The following FNBP1 variants were observed in gnomAD, a reference collection of about 807,000 sequenced individuals.
FNBP1 encodes formin-binding protein 1.
In FNBP1, 26 loss-of-function variants were observed where a neutral mutation model predicts 90.6. That is an observed-to-expected ratio of 0.29 (90% CI 0.21 to 0.40). The LOEUF (loss-of-function observed/expected upper bound fraction) is 0.40. Among genes scored for constraint, FNBP1 ranks in the 10% least tolerant of loss-of-function variants. The pLI is 1.00. For synonymous variants in FNBP1, 260 were observed against 265.2 expected (o/e 0.98, Z 0.19); for missense variants, 635 against 768.0 (o/e 0.83, Z 2.05).
chr9:129,990,814 A>G (rs200333535), intron 2 of FNBP1, among the ~76,000 whole-genome samples: 7 of 152,132 alleles, frequency 4.6e-5, no homozygotes, highest in African/African-American at 1.4e-4. Context: ...AGTGGAGGTG[A>G]TAACAAGTGT....
intron 6 of FNBP1, among the ~76,000 whole-genome samples, chr9:129,941,187 A>C (rs2044271182): frequency 6.6e-6 from 1 of 151,700 alleles, no homozygotes; most frequent in South Asian, 2.1e-4. Context: ...TCAGGAGTTC[A>C]AGACCAGTCT....
intron 6 of FNBP1, among the ~76,000 whole-genome samples, chr9:129,939,631 C>T (rs901616908): frequency 4.6e-5 from 7 of 151,970 alleles, no homozygotes; most frequent in East Asian, 3.9e-4. Flanking sequence ...TCAGCCTGTG[C>T]TAGTACAGAT....
chr9:129,941,715 T>A (rs917096616), intron 6 of FNBP1, among the ~76,000 whole-genome samples: 1 of 152,160 alleles, frequency 6.6e-6, no homozygotes, highest in East Asian at 1.9e-4. Flanking sequence ...TCCTTCCACC[T>A]TGGCCTCCCA....
intron 16 of FNBP1, among the ~76,000 whole-genome samples, chr9:129,891,154 T>A (rs7868370): frequency 0.53 from 76,894 of 145,060 alleles, 21,268 homozygotes; most frequent in East Asian, 0.8. Flanking sequence ...GACTCCGTCT[T>A]AAAAAAAAAA....
At chr9:129,906,122 A>G (rs2038011910) in intron 12 of FNBP1, among the ~76,000 whole-genome samples, 2 of 151,996 alleles carry the variant, frequency 1.3e-5, no homozygotes, top group Admixed American at 6.6e-5. Flanking sequence ...ACCTCAGGTG[A>G]TCTGCCTGCC....
chr9:130,023,557 T>G (rs1368541582), intron 1 of FNBP1, among the ~76,000 whole-genome samples: 2 of 152,180 alleles, frequency 1.3e-5, no homozygotes, highest in Non-Finnish European at 2.9e-5. Flanking sequence ...GAAGGCAGCC[T>G]GGCCGGAGGA....
Position 129,962,010 on chromosome 9 carries a change from A to C in FNBP1, c.346-3457T>G, listed in dbSNP as rs192514422. On this transcript the variant is annotated intron_variant, in intron 4 of 16. Coordinates refer to ENST00000446176, the MANE Select transcript of FNBP1 (RefSeq NM_015033.3). ...AGACTGACATGCAGGGATCTCATGA[A>C]CCCTTGCCCTCTGGTTCTGATGAGA... is the stretch of plus-strand genomic sequence containing the variant. Among the ~76,000 whole-genome samples the C allele has an allele frequency of 1.3e-4, 20 of 151,682 alleles. 1 individual carries two copies. The East Asian group carries it at 3.3e-3, about 25-fold the overall frequency.
intron 4 of FNBP1, among the ~76,000 whole-genome samples, chr9:129,965,694 A>ACGCG (rs765582659): frequency 9.2e-5 from 11 of 119,354 alleles, no homozygotes; most frequent in Non-Finnish European, 1.5e-4. Flanking sequence ...ACACACACAC[A>ACGCG]CACGCGCGCG....
At chr9:130,003,806 C>T (rs945123824) in intron 1 of FNBP1, among the ~76,000 whole-genome samples, 4 of 150,820 alleles carry the variant, frequency 2.7e-5, no homozygotes, top group Non-Finnish European at 5.9e-5. Context: ...GCCTGTAGTC[C>T]CCAGCTACTC....
chr9:130,000,314 A>G (rs141932637), intron 1 of FNBP1, among the ~76,000 whole-genome samples: 3,638 of 152,192 alleles, frequency 0.024, 152 homozygotes, highest in African/African-American at 0.082. Flanking sequence ...AACATGGTGA[A>G]ACCCCGTCTT....
intron 6 of FNBP1, chr9:129,936,655 T>G (rs2043508172): frequency 1.3e-5 from 2 of 152,196 alleles, no homozygotes; most frequent in Non-Finnish European, 2.9e-5. Flanking sequence ...TAAAAGTTTC[T>G]GCACATTCCA....
intron 1 of FNBP1, among the ~76,000 whole-genome samples, chr9:130,008,778 C>T (rs1031768613): frequency 2.6e-5 from 4 of 152,170 alleles, no homozygotes; most frequent in Non-Finnish European, 5.9e-5. Context: ...GCTTCCCCGC[C>T]TCTAGCTGTC....
chr9:129,937,838 AATATGCTTT>A (rs1269487389), intron 6 of FNBP1, among the ~76,000 whole-genome samples: 1 of 152,098 alleles, frequency 6.6e-6, no homozygotes, highest in Non-Finnish European at 1.5e-5. Context: ...TAACCAAAGA[AATATGCTTT>A]ATATAACCTA....
At chr9:129,921,345 G>A (rs1427461781) in intron 10 of FNBP1, among the ~76,000 whole-genome samples, 10 of 150,130 alleles carry the variant, frequency 6.7e-5, no homozygotes, top group Admixed American at 3.3e-4. Flanking sequence ...CCCAGCCTCC[G>A]CTAGGACTAC....
intron 6 of FNBP1, among the ~76,000 whole-genome samples, chr9:129,930,633 T>G (rs962117896): frequency 1.3e-5 from 2 of 152,160 alleles, no homozygotes; most frequent in African/African-American, 4.8e-5. Flanking sequence ...ATTGATCACA[T>G]ACCTAAAAAA....
At position 129,978,532 on chromosome 9, in the gene FNBP1, T is replaced by C; in HGVS notation, c.278A>G (p.Asn93Ser). The change falls in exon 4 of 17, where the codon AAC becomes AGC. Residue 93 changes from asparagine (N) to serine (S), a missense_variant. Asn to Ser is a conservative substitution (Grantham distance 46). Coordinates refer to ENST00000446176, the MANE Select transcript of FNBP1 (RefSeq NM_015033.3). ...GTCCACAATGATCTGTGATGCCATG[T>C]TCTCGGAGATAACTTCATGCTGCCC... Reference protein sequence around the residue: ...YAGQHEVISENMASQIIVDLA... With the variant: ...YAGQHEVISESMASQIIVDLA... 1 of 1,613,880 alleles carries C rather than the reference T, an allele frequency of 6.2e-7. No individual in the cohort carries two copies. The highest frequency in any genetic ancestry group is 8.5e-7 in the Non-Finnish European group (1 of 1,179,764).
chr9:130,001,586 A>C (rs935650819), intron 1 of FNBP1, among the ~76,000 whole-genome samples: 1 of 152,130 alleles, frequency 6.6e-6, no homozygotes, highest in African/African-American at 2.4e-5. Context: ...ATATATGCTA[A>C]AATTTCTATT....
chr9:129,974,120 C>G (rs112061769), intron 4 of FNBP1, among the ~76,000 whole-genome samples: 4 of 152,196 alleles, frequency 2.6e-5, no homozygotes, highest in Non-Finnish European at 4.4e-5. Flanking sequence ...CCGCGCCCAG[C>G]CAAACAGCTC....
At chr9:130,010,408 C>CA (rs1331408592) in intron 1 of FNBP1, among the ~76,000 whole-genome samples, 2 of 152,008 alleles carry the variant, frequency 1.3e-5, no homozygotes, top group Non-Finnish European at 2.9e-5. Flanking sequence ...GGTTTCCTCC[C>CA]AAAAAAACCC....
Sources: allele counts gnomAD v4.1 joint callset (sites outside exome capture counted in the v4.1 genomes callset), GRCh38; gene constraint gnomAD v4.1.1; transcripts MANE v1.5; gene names NCBI Gene and HGNC (gene_info 2026-07-23, HGNC 2026-07-21).